The following F2RL1 variants were observed in gnomAD, a reference collection of about 807,000 sequenced individuals.
F2RL1 encodes the protein F2R like trypsin receptor 1.
Under a neutral mutation model 21.7 loss-of-function variants are expected in F2RL1, and 16 were observed. That is an observed-to-expected ratio of 0.74 (90% confidence interval 0.50 to 1.12). F2RL1 has a LOEUF of 1.12. Among genes scored for constraint, F2RL1 ranks in the 50% most tolerant of loss-of-function variants. The pLI, the probability that F2RL1 is intolerant of heterozygous loss-of-function variation, is 0.00. For missense variants in F2RL1, 432 were observed against 477.8 expected, an observed-to-expected ratio of 0.90 and a Z score of 0.89; for synonymous variants, 181 against 186.7, an observed-to-expected ratio of 0.97 and a Z score of 0.25.
At position 76,833,665 on chromosome 5, in the gene F2RL1, A is replaced by T; in HGVS notation, c.1058A>T (p.Asp353Val). The T allele has an allele frequency of 1.2e-6, 2 of 1,613,968 alleles. No homozygotes were observed. Among genetic ancestry groups the T allele is most frequent in the Non-Finnish European group, 1.7e-6 (2 of 1,180,000 alleles). The change falls in exon 2 of 2, where the codon GAT becomes GTT. Residue 353 changes from aspartate to valine, a missense_variant. Physicochemically the swap from Asp to Val is radical, Grantham distance 152. Transcript: ENST00000296677. ...VYYFVSHDFRDHAKNALLCRS... is the reference protein window; with the variant it reads ...VYYFVSHDFRVHAKNALLCRS... ...TACTTTGTTTCACATGATTTCAGGG[A>T]TCATGCAAAGAACGCTCTCCTTTGC...
At chr5:76,831,107 C>T (rs1424652972) in intron 1 of F2RL1, among the ~76,000 whole-genome samples, 2 of 152,096 alleles carry the variant, frequency 1.3e-5, no homozygotes, top group African/African-American at 4.8e-5. Context: ...ACATGCCATT[C>T]ATTTCTTTGT....
chr5:76,829,791 T>C (rs1383592462), intron 1 of F2RL1, among the ~76,000 whole-genome samples: 3 of 152,232 alleles, frequency 2.0e-5, no homozygotes, highest in Non-Finnish European at 4.4e-5. Flanking sequence ...TGTGAAACGT[T>C]TTTCCACCAT....
rs148688723 is a variant in F2RL1, at chr5:76,833,341, C to T, written c.734C>T (p.Ser245Phe). ...GGAGACATGTTCAATTACTTCCTCTCTCTGGCCATTGGGGTCTTTCTGTTC... is the reference window on the plus strand; with the variant it reads ...GGAGACATGTTCAATTACTTCCTCTTTCTGGCCATTGGGGTCTTTCTGTTC... ...LVGDMFNYFLSLAIGVFLFPA... is the reference protein window; with the variant it reads ...LVGDMFNYFLFLAIGVFLFPA... Residue 245 changes from serine (S) to phenylalanine (F), a missense_variant, in exon 2 of 2, where the codon TCT becomes TTT. Ser to Phe is a radical substitution (Grantham distance 155). Transcript: ENST00000296677. 28 of 1,613,940 alleles carry T rather than the reference C, an allele frequency of 1.7e-5. No individual in the cohort carries two copies. The highest frequency in any genetic ancestry group is 2.3e-5 in the Non-Finnish European group (27 of 1,180,050).
intron 1 of F2RL1, among the ~76,000 whole-genome samples, chr5:76,827,876 C>T (rs927205952): frequency 2.0e-5 from 3 of 152,166 alleles, no homozygotes; most frequent in African/African-American, 7.2e-5. Context: ...GGATTACAGG[C>T]GTGAGCCACT....
At chr5:76,820,740 C>G (rs562950313) in intron 1 of F2RL1, among the ~76,000 whole-genome samples, 2 of 152,222 alleles carry the variant, frequency 1.3e-5, no homozygotes, top group East Asian at 3.9e-4. Context: ...GTTTACTACT[C>G]TTGGGGGATT....
intron 1 of F2RL1, 114 bp from the exon 2 acceptor site, chr5:76,832,576 C>T (rs928776791): frequency 2.8e-6 from 3 of 1,085,606 alleles, no homozygotes; most frequent in African/African-American, 3.2e-5. Flanking sequence ...GACAGCGAGA[C>T]CCTGTCTCAT....
At chr5:76,819,728 CG>C (rs1750094405) in intron 1 of F2RL1, among the ~76,000 whole-genome samples, 1 of 152,022 alleles carries the variant, frequency 6.6e-6, no homozygotes. Context: ...GTGGGGTTAG[CG>C]AGCTGATTGC....
At chr5:76,827,325 CAAAAAAAAAAAAAA>C (rs764040748) in intron 1 of F2RL1, among the ~76,000 whole-genome samples, 4 of 87,602 alleles carry the variant, frequency 4.6e-5, no homozygotes, top group African/African-American at 1.9e-4. Flanking sequence ...ACTAAAAATA[CAAAAAAAAAAAAAA>C]AAAAAAAAAA....
At chr5:76,824,965 A>G (rs1416688174) in intron 1 of F2RL1, among the ~76,000 whole-genome samples, 2 of 150,818 alleles carry the variant, frequency 1.3e-5, no homozygotes, top group African/African-American at 4.9e-5. Flanking sequence ...TTTGGTGGAT[A>G]TCCTTCTAGA....
chr5:76,825,646 G>A (rs1267050882), intron 1 of F2RL1, among the ~76,000 whole-genome samples: 1 of 152,304 alleles, frequency 6.6e-6, no homozygotes, highest in Admixed American at 6.5e-5. Context: ...ACAATTGGGA[G>A]CTGGGATAGC....
chr5:76,823,379 T>C (rs1311864549), intron 1 of F2RL1, among the ~76,000 whole-genome samples: 1 of 149,924 alleles, frequency 6.7e-6, no homozygotes, highest in East Asian at 1.9e-4. Flanking sequence ...GGTTTTTTTT[T>C]TTTTTTTTTG....
intron 1 of F2RL1, among the ~76,000 whole-genome samples, chr5:76,823,103 G>A (rs925076216): frequency 7.9e-5 from 12 of 151,978 alleles, no homozygotes; most frequent in Admixed American, 2.0e-4. Flanking sequence ...GGTGGCGGGC[G>A]CCTGTAGTCC....
Position 76,819,032 on chromosome 5 carries a change from A to G in F2RL1, c.-151A>G. Reference sequence around the variant, plus strand: ...TACGCTGCTCCTTCGGTTTCCCTGAAACCTAACCCGCCCTGGGGAGGCGCG... The same window carrying G: ...TACGCTGCTCCTTCGGTTTCCCTGAGACCTAACCCGCCCTGGGGAGGCGCG... On this transcript the variant is annotated 5_prime_UTR_variant, in exon 1 of 2. Coordinates refer to ENST00000296677, the MANE Select transcript of F2RL1 (RefSeq NM_005242.6). 1 of 655,238 alleles carries G rather than the reference A, an allele frequency of 1.5e-6. No homozygotes were observed. Among genetic ancestry groups the G allele is most frequent in the Non-Finnish European group, 2.6e-6 (1 of 391,514 alleles). The allele number at this position is 655,238 out of a possible 1,614,324, so 40.6% of individuals were successfully genotyped here. A position where few individuals can be genotyped will look rare whatever the true frequency, so the allele number is the denominator to read the frequency against.
intron 1 of F2RL1, among the ~76,000 whole-genome samples, chr5:76,826,517 C>CTT (rs747365797): frequency 0.012 from 1,758 of 145,010 alleles, 47 homozygotes; most frequent in African/African-American, 0.042. Flanking sequence ...TGTATCAGTA[C>CTT]TTTTTTTTTT....
chr5:76,833,397 CTGA>C lies in F2RL1; in HGVS notation c.795_797del (p.Met265del). The C allele has an allele frequency of 1.2e-6, 2 of 1,614,020 alleles. No homozygotes were observed. The highest frequency in any genetic ancestry group is 1.1e-5 in the South Asian group (1 of 91,060). On this transcript the variant is annotated inframe_deletion, in exon 2 of 2. Coordinates refer to ENST00000296677, the MANE Select transcript of F2RL1 (RefSeq NM_005242.6). Reference sequence around the variant, plus strand: ...CTTCCTCACAGCCTCTGCCTATGTGCTGATGATCAGAATGCTGCGATCTTCTGC... The same window carrying C: ...CTTCCTCACAGCCTCTGCCTATGTGCTGATCAGAATGCTGCGATCTTCTGC...
chr5:76,819,930 G>A (rs2242998), intron 1 of F2RL1, among the ~76,000 whole-genome samples: 1,585 of 152,346 alleles, frequency 0.01, 29 homozygotes, highest in Middle Eastern at 0.051. Flanking sequence ...GGTCCCTGAT[G>A]GGTTCTGGTG....
At chr5:76,823,698 G>A (rs747214339) in intron 1 of F2RL1, among the ~76,000 whole-genome samples, 46 of 151,666 alleles carry the variant, frequency 3.0e-4, no homozygotes, top group Non-Finnish European at 5.6e-4. Flanking sequence ...ACTTCTCTAT[G>A]CACAAATGAT....
At chr5:76,831,004 C>T (rs1009456043) in intron 1 of F2RL1, among the ~76,000 whole-genome samples, 1 of 151,980 alleles carries the variant, frequency 6.6e-6, no homozygotes, top group African/African-American at 2.4e-5. Context: ...GCCTACTTTT[C>T]CCCAGAATTA....
At chr5:76,821,134 A>G (rs1301774804) in intron 1 of F2RL1, among the ~76,000 whole-genome samples, 1 of 152,142 alleles carries the variant, frequency 6.6e-6, no homozygotes, top group Non-Finnish European at 1.5e-5. Context: ...CCTCATAGAA[A>G]CGAACTCAGC....
Sources: gnomAD v4.1 joint callset for allele counts (sites outside exome capture counted in the v4.1 genomes callset) on GRCh38, gnomAD v4.1.1 for gene constraint, MANE v1.5 for transcripts, NCBI Gene and HGNC (gene_info 2026-07-23, HGNC 2026-07-21) for gene names.